Variants in SLC35E4 observed in about 807,000 individuals in gnomAD.
SLC35E4 encodes solute carrier family 35 member E4, also known as solute carrier family 35, member E4.
Under a neutral mutation model 19.3 loss-of-function variants are expected in SLC35E4, and 15 were observed. The ratio of observed to expected loss-of-function variants is 0.78; its 90% CI spans 0.52 to 1.20. The LOEUF (loss-of-function observed/expected upper bound fraction) is 1.20. SLC35E4 is among the 50% of genes most tolerant of loss of function. The pLI, the probability that SLC35E4 is intolerant of heterozygous loss-of-function variation, is 0.00. For missense variants in SLC35E4, 406 were observed against 472.3 expected, an observed-to-expected ratio of 0.86 and a Z score of 1.30; for synonymous variants, 219 against 219.9, an observed-to-expected ratio of 1.00 and a Z score of 0.04.
At chr22:30,665,644 T>C (rs1282776363), downstream of SLC35E4, 6 of 434,638 alleles carry the variant, frequency 1.4e-5, no homozygotes, top group Admixed American at 1.3e-4. Context: ...TAGCCCTATG[T>C]TCTCTCCTTC....
intron 1 of SLC35E4, among the ~76,000 whole-genome samples, chr22:30,646,083 C>T (rs1190000227): frequency 1.4e-4 from 21 of 152,154 alleles, no homozygotes; most frequent in Admixed American, 1.4e-3. Context: ...GCTGGGATTA[C>T]AGGCATGAGC....
At chr22:30,659,475 G>A (rs1473359072) in intron 2 of SLC35E4, among the ~76,000 whole-genome samples, 1 of 152,036 alleles carries the variant, frequency 6.6e-6, no homozygotes, top group Non-Finnish European at 1.5e-5. Flanking sequence ...CTGGGTTCAA[G>A]CGATTCTTCC....
At position 30,646,968 on chromosome 22, in the gene SLC35E4, C is replaced by G; in HGVS notation, c.990C>G (p.Phe330Leu). The change falls in exon 2 of 2, where the codon TTC becomes TTG. Residue 330 changes from phenylalanine to leucine, a missense_variant. Coordinates refer to ENST00000343605, the MANE Select transcript of SLC35E4 (RefSeq NM_001001479.4). ...TGTTCCTTTACCACAACTGCGAGTT[C>G]GTGGCCTCCTGGGCTGCCCGTCGGG... ...SGMFLYHNCEFVASWAARRGL... is the reference protein window; with the variant it reads ...SGMFLYHNCELVASWAARRGL... The G allele has an allele frequency of 6.2e-7, 1 of 1,613,886 alleles. No homozygotes were observed. The highest frequency in any genetic ancestry group is 8.5e-7 in the Non-Finnish European group (1 of 1,180,006).
Position 30,647,060 on chromosome 22 carries a change from G to C in SLC35E4, c.*29G>C. On this transcript the variant is annotated 3_prime_UTR_variant, in exon 2 of 2. Coordinates refer to ENST00000343605, the MANE Select transcript of SLC35E4 (RefSeq NM_001001479.4). ...CTGGGGGATCTCAGGAGCCACCTGG[G>C]ATGGCCCTGGCCTGAATCCAGCCTC... is the stretch of plus-strand genomic sequence containing the variant. The C allele has an allele frequency of 6.4e-7, 1 of 1,563,860 alleles. No homozygotes were observed. Among genetic ancestry groups the C allele is most frequent in the Non-Finnish European group, 8.6e-7 (1 of 1,158,088 alleles).
At chr22:30,664,034 C>T (rs769987050), downstream of SLC35E4, 103 of 1,581,796 alleles carry the variant, frequency 6.5e-5, no homozygotes, top group Middle Eastern at 1.7e-4. Context: ...CAGCAGTCAG[C>T]GAAGCACGAA....
chr22:30,648,900 A>C (rs1335931478), downstream of SLC35E4, among the ~76,000 whole-genome samples: 1 of 151,964 alleles, frequency 6.6e-6, no homozygotes, highest in Non-Finnish European at 1.5e-5. Context: ...GGAGGCTTGC[A>C]GGGGTATAGG....
exon 3 of SLC35E4, chr22:30,662,885 C>T (rs1337194613): frequency 6.5e-6 from 1 of 153,152 alleles, no homozygotes. Flanking sequence ...CTATCTTATG[C>T]ATAAGTACAA....
Position 30,647,702 on chromosome 22 carries a change from T to C in SLC35E4, c.*671T>C, listed in dbSNP as rs988351449. Reference sequence around the variant, plus strand: ...CTTGTTACAATGACGATGATGATGATTCTTGGCGGTTACACAATCCTTCCT... The same window carrying C: ...CTTGTTACAATGACGATGATGATGACTCTTGGCGGTTACACAATCCTTCCT... On this transcript the variant is annotated 3_prime_UTR_variant, in exon 2 of 2. Transcript: ENST00000343605. The C allele has an allele frequency of 6.6e-6, 1 of 152,220 alleles. No homozygotes were observed. The highest frequency in any genetic ancestry group is 1.9e-4 in the East Asian group (1 of 5,178). The allele number at this position is 152,220 out of a possible 1,614,324, so 9.4% of individuals were successfully genotyped here. A position where few individuals can be genotyped will look rare whatever the true frequency, so the allele number is the denominator to read the frequency against.
In SLC35E4 at chr22:30,647,565, C is replaced by A. The variant is rs1186815466; in HGVS notation, c.*534C>A. 6.5e-6 allele frequency: 1 copy of A among 155,018 alleles called. No homozygotes were observed. Among genetic ancestry groups the A allele is most frequent in the East Asian group, 1.9e-4 (1 of 5,218 alleles). The allele number at this position is 155,018 out of a possible 1,614,324, so 9.6% of individuals were successfully genotyped here. A position where few individuals can be genotyped will look rare whatever the true frequency, so the allele number is the denominator to read the frequency against. On this transcript the variant is annotated 3_prime_UTR_variant, in exon 2 of 2. Transcript: ENST00000343605. ...CACCCCTGCCACAGACTCTGCACAC[C>A]ACTGGATGGTGGGTCCAAGCCTGGC...
At position 30,636,956 on chromosome 22, in the gene SLC35E4, C is replaced by A. The variant is rs751116354; in HGVS notation, c.506C>A (p.Pro169Gln). 4 of 1,611,980 alleles carry A rather than the reference C, an allele frequency of 2.5e-6. No individual in the cohort carries two copies. The highest frequency in any genetic ancestry group is 2.5e-6 in the Non-Finnish European group (3 of 1,179,266). Residue 169 changes from proline (P) to glutamine (Q), a missense_variant, in exon 1 of 2, where the codon CCG becomes CAG. By Grantham distance (76) the Pro-to-Gln change is moderately conservative. Coordinates refer to ENST00000343605, the MANE Select transcript of SLC35E4 (RefSeq NM_001001479.4). The part of the protein sequence containing the change: ...HHPLQLAAMG[P>Q]LCLGAACSLA... ...CCACTTCAGTTGGCCGCCATGGGTC[C>A]GCTCTGCCTGGGGGCCGCCTGCAGC...
chr22:30,653,269 T>C (rs977491959), intron 2 of SLC35E4, among the ~76,000 whole-genome samples: 12 of 152,010 alleles, frequency 7.9e-5, no homozygotes, highest in African/African-American at 2.4e-4. Context: ...CCTTCGGCTA[T>C]TGGGGGGCCA....
rs1389609878 is a variant in SLC35E4, at chr22:30,636,806, C to T, written c.356C>T (p.Thr119Met). The change falls in exon 1 of 2, where the codon ACG (threonine) becomes ATG (methionine). Residue 119 changes from threonine (T) to methionine (M), a missense_variant. Thr to Met is a moderately conservative substitution (Grantham distance 81). Transcript: ENST00000343605. ...RVLLLSLTFG[T>M]SMACGNVGLR... ...CTACTGCTCAGTCTCACCTTTGGCA[C>T]GTCCATGGCCTGCGGCAACGTGGGC... is the stretch of plus-strand genomic sequence containing the variant. 1.9e-6 allele frequency: 3 copies of T among 1,612,784 alleles called. No individual in the cohort carries two copies. Among genetic ancestry groups the T allele is most frequent in the South Asian group, 2.2e-5 (2 of 90,912 alleles).
At chr22:30,646,492 G>T in intron 1 of SLC35E4, 106 bp from the exon 2 acceptor site, 1 of 1,340,970 alleles carries the variant, frequency 7.5e-7, no homozygotes, top group Non-Finnish European at 1.0e-6. Flanking sequence ...AGCCCTGCCC[G>T]AGGGGTCCGG....
At chr22:30,655,429 C>CTAAAAAAAAAAAAA (rs1389184839) in intron 2 of SLC35E4, among the ~76,000 whole-genome samples, 1 of 111,676 alleles carries the variant, frequency 9.0e-6, no homozygotes, top group African/African-American at 3.6e-5. Flanking sequence ...GAGATCCTAC[C>CTAAAAAAAAAAAAA]AAAAAAAAAA....
rs2087962369 is a variant in SLC35E4 at position 30,636,974 on chromosome 22, C to G, written c.524C>G (p.Ala175Gly). ...AAMGPLCLGA[A>G]CSLAGEFRTP... is the part of the protein sequence containing the mutation. ...ATGGGTCCGCTCTGCCTGGGGGCCGCCTGCAGCCTGGCTGGAGAGTTCCGG... is the reference window on the plus strand; with the variant it reads ...ATGGGTCCGCTCTGCCTGGGGGCCGGCTGCAGCCTGGCTGGAGAGTTCCGG... Residue 175 changes from alanine (A) to glycine (G), a missense_variant, in exon 1 of 2, where the codon GCC (alanine) becomes GGC (glycine). Transcript: ENST00000343605. 6.2e-7 allele frequency: 1 copy of G among 1,611,998 alleles called. No individual in the cohort carries two copies. Among genetic ancestry groups the G allele is most frequent in the Non-Finnish European group, 8.5e-7 (1 of 1,179,256 alleles).
intron 2 of SLC35E4, among the ~76,000 whole-genome samples, chr22:30,657,773 G>A (rs987928740): frequency 5.3e-5 from 8 of 151,236 alleles, no homozygotes; most frequent in Admixed American, 1.3e-4. Context: ...GTGTGGTGGC[G>A]GGCACCTGTA....
At chr22:30,656,020 C>A (rs910057802) in intron 2 of SLC35E4, among the ~76,000 whole-genome samples, 6 of 151,784 alleles carry the variant, frequency 4.0e-5, no homozygotes, top group Admixed American at 3.9e-4. Flanking sequence ...TTGCTGAGGA[C>A]GCAGTGCAGT....
chr22:30,668,500 CCTGGA>C (rs2088759050), exon 3 of SLC35E4: 1 of 152,674 alleles, frequency 6.5e-6, no homozygotes, highest in South Asian at 2.1e-4. Context: ...AACTCCCTCG[CCTGGA>C]CTCCCGGGAG....
intron 1 of SLC35E4, among the ~76,000 whole-genome samples, chr22:30,644,612 T>C (rs2088098584): frequency 1.3e-5 from 2 of 152,048 alleles, no homozygotes. Flanking sequence ...GGGGTGATGG[T>C]GCATGCCTGT....
Sources: allele counts gnomAD v4.1 joint callset (sites outside exome capture counted in the v4.1 genomes callset), GRCh38; gene constraint gnomAD v4.1.1; transcripts MANE v1.5; gene names NCBI Gene and HGNC (gene_info 2026-07-23, HGNC 2026-07-21).